The following SBNO1 variants were observed in gnomAD, a reference collection of about 807,000 sequenced individuals.
The protein encoded by SBNO1 is strawberry notch homolog 1.
In SBNO1, 23 loss-of-function variants were observed where a neutral mutation model predicts 173.6. The observed-to-expected ratio is 0.13, with a 90% CI of 0.10 to 0.19. The LOEUF (loss-of-function observed/expected upper bound fraction) is 0.19, where lower values mean the gene tolerates loss of function less well. Ranked by LOEUF, SBNO1 falls within the 10% of genes least tolerant of loss-of-function variation. The pLI is 1.00. For synonymous variants in SBNO1, 632 were observed against 571.5 expected, an observed-to-expected ratio of 1.11 and a Z score of -1.51; for missense variants, 1,238 against 1,671.2, an observed-to-expected ratio of 0.74 and a Z score of 4.52.
chr12:123,361,883 G>A (rs1875251653), intron 1 of SBNO1, among the ~76,000 whole-genome samples: 1 of 152,124 alleles, frequency 6.6e-6, no homozygotes, highest in Admixed American at 6.6e-5. Flanking sequence ...GCTCACGCCT[G>A]TAATCCCAGC....
At chr12:123,301,812 G>A (rs1429207319) in intron 30 of SBNO1, among the ~76,000 whole-genome samples, 1 of 152,152 alleles carries the variant, frequency 6.6e-6, no homozygotes, top group Non-Finnish European at 1.5e-5. Context: ...GGAGGAGTTT[G>A]AGGCTGCAGT....
chr12:123,307,149 C>T (rs926565109), intron 28 of SBNO1, among the ~76,000 whole-genome samples: 5 of 151,606 alleles, frequency 3.3e-5, no homozygotes, highest in East Asian at 1.9e-4. Context: ...TGATCACGCA[C>T]GCCACTGCTT....
At chr12:123,328,411 T>G (rs1870826823) in intron 10 of SBNO1, among the ~76,000 whole-genome samples, 2 of 152,260 alleles carry the variant, frequency 1.3e-5, no homozygotes, top group African/African-American at 4.8e-5. Context: ...TTGGGACCAC[T>G]AAGTTCTAAC....
Position 123,299,681 on chromosome 12 carries a change from C to CAAAAAAAAA in SBNO1, c.3846-1519_3846-1511dup, listed in dbSNP as rs538218167. Among the ~76,000 whole-genome samples the CAAAAAAAAA allele has an allele frequency of 3.2e-4, 30 of 93,880 alleles. 2 individuals are homozygous for CAAAAAAAAA. Among genetic ancestry groups the CAAAAAAAAA allele is most frequent in the East Asian group, 3.1e-3 (8 of 2,576 alleles). 61.6% of individuals were successfully genotyped at this position (93,880 alleles called of 152,430 possible). A position where few individuals can be genotyped will look rare whatever the true frequency, so the allele number is the denominator to read the frequency against. ...GGGCGACACAGCAAGACTCTGTCTT[C>CAAAAAAAAA]AAAAAAAAAAAAAAAAAACAAAAAA... On this transcript the variant is annotated intron_variant, in intron 30 of 31. Coordinates refer to ENST00000602398, the MANE Select transcript of SBNO1 (RefSeq NM_001167856.3).
At chr12:123,328,082 G>C (rs28419092) in intron 10 of SBNO1, 55 bp from the exon 11 acceptor site, 898,388 of 1,383,704 alleles carry the variant, frequency 0.65, 302,791 homozygotes, top group East Asian at 0.72. Context: ...AGAATCTCCA[G>C]TCTTTCAAGA....
At chr12:123,336,333 AAG>A in intron 6 of SBNO1, 60 bp downstream of exon 6, 1 of 1,083,060 alleles carries the variant, frequency 9.2e-7, no homozygotes. Flanking sequence ...ACAAAACAAA[AAG>A]AACCAAAGAA....
chr12:123,311,018 C>A, intron 25 of SBNO1, 37 bp downstream of exon 25: 1 of 1,383,106 alleles, frequency 7.2e-7, no homozygotes, highest in Non-Finnish European at 1.0e-6. Flanking sequence ...AATACTATAG[C>A]AACAGTTATA....
At chr12:123,307,638 C>T (rs1000689042) in intron 28 of SBNO1, among the ~76,000 whole-genome samples, 2 of 151,974 alleles carry the variant, frequency 1.3e-5, no homozygotes, top group East Asian at 1.9e-4. Flanking sequence ...TAAAAAAGAA[C>T]GAAGGGGCCA....
rs545702575 is a variant in SBNO1 at position 123,305,533 on chromosome 12, C to T, written c.3631-814G>A. Among the ~76,000 whole-genome samples the T allele has an allele frequency of 6.6e-4, 100 of 152,134 alleles. 1 individual carries two copies. The highest frequency in any genetic ancestry group is 2.3e-3 in the African/African-American group (95 of 41,494). ...CTGTCACCAGCCTGGAGCACAAGGG[C>T]GCGATCTCGGCTCACTGCAAGCTCC... On this transcript the variant is annotated intron_variant, in intron 28 of 31. Transcript: ENST00000602398.
At chr12:123,351,015 T>C (rs577406019) in intron 1 of SBNO1, among the ~76,000 whole-genome samples, 1 of 152,092 alleles carries the variant, frequency 6.6e-6, no homozygotes, top group East Asian at 1.9e-4. Context: ...CCAGCTTCTC[T>C]GGAGGCTGAG....
rs561187732 is a variant in SBNO1 at position 123,291,937 on chromosome 12, G to A, written c.*3971C>T. The A allele has an allele frequency of 1.7e-4, 26 of 151,876 alleles. No individual in the cohort carries two copies. The East Asian group carries it at 4.2e-3, about 25-fold the overall frequency. The allele number at this position is 151,876 out of a possible 1,614,324, so 9.4% of individuals were successfully genotyped here. On this transcript the variant is annotated 3_prime_UTR_variant, in exon 32 of 32. Coordinates refer to ENST00000602398, the MANE Select transcript of SBNO1 (RefSeq NM_001167856.3). ...AAGTACTCAAAAAAAAAATGCTAGC[G>A]AGCTTGAGTTGCAGGTATTTAGGTG...
chr12:123,359,635 G>A (rs774136316), intron 1 of SBNO1, among the ~76,000 whole-genome samples: 2 of 151,878 alleles, frequency 1.3e-5, no homozygotes, highest in Non-Finnish European at 2.9e-5. Context: ...TCTTACTGTG[G>A]GATGCAATAA....
chr12:123,296,123 C>A, intron 31 of SBNO1, 73 bp from the exon 32 acceptor site: 182 of 843,442 alleles, frequency 2.2e-4, no homozygotes, highest in Middle Eastern at 4.8e-4. Flanking sequence ...CAGCAGATTC[C>A]AAATGAGGCA....
At chr12:123,297,422 A>AAAAAAAT (rs1555243597) in intron 31 of SBNO1, among the ~76,000 whole-genome samples, 3 of 148,066 alleles carry the variant, frequency 2.0e-5, no homozygotes, top group Non-Finnish European at 4.5e-5. Flanking sequence ...AAAAAAAAAA[A>AAAAAAAT]TTCCATAGAC....
At chr12:123,332,053 G>A (rs780537420) in intron 7 of SBNO1, among the ~76,000 whole-genome samples, 3 of 151,170 alleles carry the variant, frequency 2.0e-5, no homozygotes, top group Non-Finnish European at 2.9e-5. Flanking sequence ...GTTTCACCAC[G>A]TTGACCAGGA....
intron 30 of SBNO1, among the ~76,000 whole-genome samples, chr12:123,299,693 A>AAAAC (rs1555244085): frequency 4.0e-4 from 61 of 150,970 alleles, no homozygotes; most frequent in Non-Finnish European, 6.9e-4. Flanking sequence ...AAAAAAAAAA[A>AAAAC]AAAAAACAAA....
Position 123,298,017 on chromosome 12 carries a change from T to A in SBNO1, c.4000A>T (p.Ile1334Phe). The A allele has an allele frequency of 6.2e-7, 1 of 1,614,150 alleles. No individual in the cohort carries two copies. The highest frequency in any genetic ancestry group is 1.7e-5 in the Admixed American group (1 of 60,000). ...CCATCTTCCGTTCTTAGCCGCACGATCTGCATCTTCACGTTTGTGCCACTG... is the reference window on the plus strand; with the variant it reads ...CCATCTTCCGTTCTTAGCCGCACGAACTGCATCTTCACGTTTGTGCCACTG... ...SVSGTNVKMQ[I>F]VRLRTEDGQR... The change falls in exon 31 of 32, where the codon ATC (isoleucine) becomes TTC (phenylalanine). Residue 1334 changes from isoleucine (I) to phenylalanine (F), a missense_variant. Physicochemically the swap from Ile to Phe is conservative, Grantham distance 21 (BLOSUM62 0). Coordinates refer to ENST00000602398, the MANE Select transcript of SBNO1 (RefSeq NM_001167856.3).
At chr12:123,306,935 C>A (rs552874178) in intron 28 of SBNO1, among the ~76,000 whole-genome samples, 7 of 148,710 alleles carry the variant, frequency 4.7e-5, no homozygotes, top group Non-Finnish European at 8.9e-5. Context: ...TGTAATCCAG[C>A]ACTTTGGGAG....
intron 28 of SBNO1, among the ~76,000 whole-genome samples, chr12:123,308,562 C>G (rs2048979596): frequency 6.6e-6 from 1 of 152,016 alleles, no homozygotes; most frequent in South Asian, 2.1e-4. Context: ...GTCCCTGCTA[C>G]TCTCGGGAGG....
Sources: allele counts gnomAD v4.1 joint callset (sites outside exome capture counted in the v4.1 genomes callset), GRCh38; gene constraint gnomAD v4.1.1; transcripts MANE v1.5; gene names NCBI Gene and HGNC (gene_info 2026-07-23, HGNC 2026-07-21).